NDST3: variants seen among roughly 807,000 people sequenced by gnomAD.
NDST3 encodes the protein N-deacetylase and N-sulfotransferase 3.
NDST3 carries 58 observed loss-of-function variants against 96.1 expected under a neutral mutation model. The observed-to-expected ratio is 0.60, with a 90% CI of 0.49 to 0.75. The LOEUF (loss-of-function observed/expected upper bound fraction) is 0.75, where lower values mean the gene tolerates loss of function less well. Among genes scored for constraint, NDST3 ranks in the 30% least tolerant of loss-of-function variants. The pLI is 0.00. For synonymous variants in NDST3, 333 were observed against 359.7 expected (o/e 0.93, Z 0.84); for missense variants, 788 against 1,034.2 (o/e 0.76, Z 3.27).
intron 4 of NDST3, among the ~76,000 whole-genome samples, chr4:118,118,306 C>T (rs1447410771): frequency 6.6e-6 from 1 of 152,116 alleles, no homozygotes; most frequent in African/African-American, 2.4e-5. Flanking sequence ...GTCTTGGGAG[C>T]AAATAGGTGT....
rs1480195999 is a variant in NDST3 at position 118,238,560 on chromosome 4, C to G, written c.2118+1340C>G. The stretch of plus-strand genomic sequence containing the variant: ...TCTTTAGTCTCTAGGACCCTTAGTT[C>G]TCATTTCTCAGTTTTGTAACTTAAA... On this transcript the variant is annotated intron_variant, in intron 10 of 13. Coordinates refer to ENST00000296499, the MANE Select transcript of NDST3 (RefSeq NM_004784.3). Among the ~76,000 whole-genome samples the G allele has an allele frequency of 5.3e-5, 8 of 152,126 alleles. No individual in the cohort carries two copies. In the East Asian group the frequency reaches 1.5e-3, roughly 29 times the overall value.
chr4:118,158,727 C>A (rs4240319), intron 6 of NDST3, among the ~76,000 whole-genome samples: 78,090 of 152,040 alleles, frequency 0.51, 24,115 homozygotes, highest in East Asian at 0.74. Flanking sequence ...AGTGATCAGA[C>A]TTAACATCAC....
intron 2 of NDST3, among the ~76,000 whole-genome samples, chr4:118,093,907 G>A (rs1729085755): frequency 6.6e-6 from 1 of 151,876 alleles, no homozygotes; most frequent in African/African-American, 2.4e-5. Context: ...AGGGTTAAGT[G>A]TCTCTGCTTC....
rs1741039690 is a variant in NDST3 at position 118,242,029 on chromosome 4, T to C, written c.2290-11T>C. 1.3e-6 allele frequency: 2 copies of C among 1,564,604 alleles called. No homozygotes were observed. Among genetic ancestry groups the C allele is most frequent in the Non-Finnish European group, 1.7e-6 (2 of 1,142,948 alleles). ...TTTTTTCAATGTGCATTTTTTTATT[T>C]GATAATTTAGTTGCTAATTATTGAT... On this transcript the variant is annotated splice_polypyrimidine_tract_variant and intron_variant, in intron 11 of 13. Transcript: ENST00000296499.
At chr4:118,233,687 C>T (rs1578852212) in intron 9 of NDST3, among the ~76,000 whole-genome samples, 1 of 152,026 alleles carries the variant, frequency 6.6e-6, no homozygotes, top group African/African-American at 2.4e-5. Flanking sequence ...TCTGAACAAA[C>T]ACTTAAAAAC....
chr4:118,165,565 T>C lies in NDST3; in HGVS notation c.1539+21881T>C, dbSNP rs115157951. On this transcript the variant is annotated intron_variant, in intron 6 of 13. Coordinates refer to ENST00000296499, the MANE Select transcript of NDST3 (RefSeq NM_004784.3). ...TACTTGAACAACACTATAGACCCAA[T>C]TGACCTGGCCAACTGATACAGAACA... Among the ~76,000 whole-genome samples the C allele has an allele frequency of 6.7e-3, 1,013 of 152,064 alleles. 8 individuals are homozygous for C. The highest frequency in any genetic ancestry group is 0.023 in the African/African-American group (967 of 41,522).
intron 2 of NDST3, among the ~76,000 whole-genome samples, chr4:118,089,944 G>A (rs1280510583): frequency 6.6e-6 from 1 of 151,918 alleles, no homozygotes; most frequent in Non-Finnish European, 1.5e-5. Context: ...GGAGATAAAT[G>A]TCAGCCCTGC....
intron 6 of NDST3, among the ~76,000 whole-genome samples, chr4:118,156,685 T>C (rs1467556062): frequency 1.3e-5 from 2 of 152,204 alleles, no homozygotes; most frequent in Non-Finnish European, 2.9e-5. Context: ...TCATTGAGTT[T>C]ATGAGAATAT....
intron 3 of NDST3, among the ~76,000 whole-genome samples, chr4:118,109,437 T>C (rs796697941): frequency 9.8e-5 from 15 of 152,292 alleles, no homozygotes; most frequent in African/African-American, 3.1e-4. Context: ...TACTGGGGAA[T>C]GATGCTAGCC....
intron 9 of NDST3, among the ~76,000 whole-genome samples, chr4:118,236,347 T>G (rs1014764079): frequency 6.6e-6 from 1 of 152,258 alleles, no homozygotes; most frequent in African/African-American, 2.4e-5. Context: ...TATCCCTGTG[T>G]TCATTCTGCT....
chr4:118,052,101 C>G (rs1560608340), intron 1 of NDST3, among the ~76,000 whole-genome samples: 2 of 152,026 alleles, frequency 1.3e-5, no homozygotes, highest in Non-Finnish European at 2.9e-5. Flanking sequence ...TATCCCAGCA[C>G]TATTCAAAAT....
At chr4:118,219,291 A>G (rs781370612) in intron 6 of NDST3, among the ~76,000 whole-genome samples, 1 of 152,098 alleles carries the variant, frequency 6.6e-6, no homozygotes, top group Non-Finnish European at 1.5e-5. Context: ...ACTGCAAACT[A>G]CATTACAAGG....
chr4:118,187,586 G>A (rs751407624), intron 6 of NDST3, among the ~76,000 whole-genome samples: 7 of 152,130 alleles, frequency 4.6e-5, no homozygotes, highest in East Asian at 3.9e-4. Flanking sequence ...GTTTGGCTGC[G>A]AAATCTTCCA....
At chr4:118,106,813 G>A (rs1425782478) in intron 3 of NDST3, among the ~76,000 whole-genome samples, 1 of 152,062 alleles carries the variant, frequency 6.6e-6, no homozygotes, top group East Asian at 1.9e-4. Flanking sequence ...CTAATTGGCT[G>A]GGTGTGGTGG....
chr4:118,034,157 T>A (rs1386503808), upstream of NDST3, among the ~76,000 whole-genome samples: 1 of 152,230 alleles, frequency 6.6e-6, no homozygotes, highest in Non-Finnish European at 1.5e-5. Context: ...GTAAATATAA[T>A]CCTAAAAGTT....
At chr4:118,158,810 G>C (rs980361510) in intron 6 of NDST3, among the ~76,000 whole-genome samples, 1 of 152,174 alleles carries the variant, frequency 6.6e-6, no homozygotes, top group African/African-American at 2.4e-5. Flanking sequence ...ATAAAGTAGG[G>C]TGACATCAGC....
intron 6 of NDST3, among the ~76,000 whole-genome samples, chr4:118,223,851 G>A (rs1739700314): frequency 2.0e-5 from 3 of 151,894 alleles, no homozygotes; most frequent in South Asian, 4.1e-4. Context: ...GGCTTTCTTT[G>A]CCATTAAAAA....
chr4:118,203,424 G>A (rs2125981528), intron 6 of NDST3, among the ~76,000 whole-genome samples: 1 of 152,276 alleles, frequency 6.6e-6, no homozygotes, highest in South Asian at 2.1e-4. Flanking sequence ...ATTCAGCTGT[G>A]AATCCATCTG....
At chr4:118,198,094 G>C (rs1383745527) in intron 6 of NDST3, among the ~76,000 whole-genome samples, 1 of 151,970 alleles carries the variant, frequency 6.6e-6, no homozygotes, top group Non-Finnish European at 1.5e-5. Flanking sequence ...CACCACACCT[G>C]GCCTCATTGT....
Sources: gnomAD v4.1 joint callset for allele counts (sites outside exome capture counted in the v4.1 genomes callset) on GRCh38, gnomAD v4.1.1 for gene constraint, MANE v1.5 for transcripts, NCBI Gene and HGNC (gene_info 2026-07-23, HGNC 2026-07-21) for gene names.